Variants in GRID2 observed in about 807,000 individuals in gnomAD.
GRID2 encodes the protein glutamate receptor ionotropic, delta-2.
A neutral mutation model predicts 114.8 loss-of-function variants in GRID2; 33 were observed. The observed-to-expected ratio is 0.29, with a 90% CI of 0.22 to 0.38. The LOEUF is 0.38. Among genes scored for constraint, GRID2 ranks in the 10% least tolerant of loss-of-function variants. The pLI, the probability that GRID2 is intolerant of heterozygous loss-of-function variation, is 1.00. For synonymous variants in GRID2, 505 were observed against 449.9 expected, an observed-to-expected ratio of 1.12 and a Z score of -1.55; for missense variants, 1,184 against 1,257.7, an observed-to-expected ratio of 0.94 and a Z score of 0.89.
chr4:92,632,322 G>T (rs1053572203), intron 2 of GRID2, among the ~76,000 whole-genome samples: 4 of 151,920 alleles, frequency 2.6e-5, no homozygotes, highest in African/African-American at 9.7e-5. Context: ...TCCTTTATAT[G>T]GTTTTTATGC....
At chr4:93,458,128 A>G (rs1164121367) in intron 11 of GRID2, among the ~76,000 whole-genome samples, 6 of 152,196 alleles carry the variant, frequency 3.9e-5, no homozygotes, top group African/African-American at 1.2e-4. Context: ...ATAGAGGAGC[A>G]CTCAGTGGTG....
chr4:93,437,346 C>T (rs943337769), intron 10 of GRID2, among the ~76,000 whole-genome samples: 1 of 152,090 alleles, frequency 6.6e-6, no homozygotes, highest in Middle Eastern at 3.2e-3. Context: ...AAGTTTGGCT[C>T]CAGCATCCAA....
intron 2 of GRID2, among the ~76,000 whole-genome samples, chr4:92,616,542 T>C (rs1730012204): frequency 6.6e-6 from 1 of 151,564 alleles, no homozygotes; most frequent in Non-Finnish European, 1.5e-5. Context: ...TTGGGGAAAT[T>C]TTTACCCATA....
At chr4:93,092,026 T>C (rs1458891304) in intron 3 of GRID2, among the ~76,000 whole-genome samples, 1 of 152,178 alleles carries the variant, frequency 6.6e-6, no homozygotes, top group Non-Finnish European at 1.5e-5. Flanking sequence ...ATTTCTTTCT[T>C]GGAACATATT....
At chr4:93,705,754 G>A (rs1727943517) in intron 14 of GRID2, among the ~76,000 whole-genome samples, 1 of 152,028 alleles carries the variant, frequency 6.6e-6, no homozygotes, top group Non-Finnish European at 1.5e-5. Flanking sequence ...TAAAATCTTT[G>A]TGCAGACCAA....
intron 2 of GRID2, among the ~76,000 whole-genome samples, chr4:92,907,419 A>AT (rs1207863141): frequency 2.0e-5 from 3 of 151,310 alleles, no homozygotes; most frequent in African/African-American, 7.3e-5. Context: ...CCAGTTTTAA[A>AT]TTTTTTTTTG....
chr4:93,807,472 C>T (rs1164866343), exon 2 of GRID2: 8 of 152,188 alleles, frequency 5.3e-5, no homozygotes, highest in Admixed American at 5.2e-4. Context: ...CTTTCCTCCA[C>T]ACCAAGGGAC....
intron 2 of GRID2, among the ~76,000 whole-genome samples, chr4:92,858,289 T>A (rs1744304893): frequency 6.6e-6 from 1 of 152,182 alleles, no homozygotes; most frequent in Non-Finnish European, 1.5e-5. Flanking sequence ...TCTGATGGAC[T>A]GGGACAAAAT....
At chr4:93,214,475 T>C (rs1349051533) in intron 5 of GRID2, among the ~76,000 whole-genome samples, 1 of 152,104 alleles carries the variant, frequency 6.6e-6, no homozygotes, top group African/African-American at 2.4e-5. Flanking sequence ...AATCAAGTTT[T>C]CATATCACTG....
intron 4 of GRID2, among the ~76,000 whole-genome samples, chr4:93,198,541 A>G (rs1285793177): frequency 1.3e-5 from 2 of 152,140 alleles, no homozygotes; most frequent in African/African-American, 4.8e-5. Flanking sequence ...TAAAATACGT[A>G]CAACATGGCC....
chr4:93,426,262 C>T (rs936009108), intron 10 of GRID2, among the ~76,000 whole-genome samples: 1 of 152,260 alleles, frequency 6.6e-6, no homozygotes. Flanking sequence ...CGTCAGTCCT[C>T]TTCCTTCTTA....
At chr4:92,710,164 A>G (rs1230368081) in intron 2 of GRID2, among the ~76,000 whole-genome samples, 2 of 152,140 alleles carry the variant, frequency 1.3e-5, no homozygotes, top group Non-Finnish European at 2.9e-5. Context: ...TGCCATACCA[A>G]TTATCAAGTG....
intron 2 of GRID2, among the ~76,000 whole-genome samples, chr4:92,890,862 C>T (rs981760206): frequency 3.9e-5 from 6 of 152,080 alleles, no homozygotes; most frequent in African/African-American, 1.4e-4. Context: ...TGGAACCAAC[C>T]AAAATGCCCA....
Position 93,315,061 on chromosome 4 carries a change from T to C in GRID2, c.1245+76571T>C, listed in dbSNP as rs140968512. On this transcript the variant is annotated intron_variant, in intron 8 of 15. Transcript: ENST00000282020. ...GGAGGCCTCAGGAAACTTACAATGA[T>C]GGCAGAAGGGGAAGCAGGAGTGTCT... Among the ~76,000 whole-genome samples, 989 of 152,214 alleles carry C rather than the reference T, an allele frequency of 6.5e-3. 12 individuals are homozygous for C. The highest frequency in any genetic ancestry group is 0.022 in the African/African-American group (901 of 41,540).
At chr4:92,674,762 C>A (rs1485434382) in intron 2 of GRID2, among the ~76,000 whole-genome samples, 1 of 152,124 alleles carries the variant, frequency 6.6e-6, no homozygotes, top group Non-Finnish European at 1.5e-5. Flanking sequence ...ACCTCGTGAT[C>A]CACCCGCTTC....
chr4:93,479,020 G>A (rs984599584), intron 11 of GRID2, among the ~76,000 whole-genome samples: 7 of 151,996 alleles, frequency 4.6e-5, no homozygotes, highest in South Asian at 2.1e-4. Context: ...ACATAGAGGC[G>A]TGCATTGAGG....
chr4:92,738,602 T>C (rs1736717579), intron 2 of GRID2, among the ~76,000 whole-genome samples: 1 of 152,080 alleles, frequency 6.6e-6, no homozygotes, highest in African/African-American at 2.4e-5. Context: ...TGAACAGACT[T>C]TTTGCTTATA....
intron 8 of GRID2, among the ~76,000 whole-genome samples, chr4:93,369,632 G>C (rs1192489988): frequency 6.6e-6 from 1 of 152,050 alleles, no homozygotes; most frequent in Admixed American, 6.6e-5. Flanking sequence ...TAGAGGACAG[G>C]TGCATGCCAC....
At chr4:93,776,824 G>C (rs1734379306), downstream of GRID2, among the ~76,000 whole-genome samples, 1 of 152,134 alleles carries the variant, frequency 6.6e-6, no homozygotes, top group African/African-American at 2.4e-5. Flanking sequence ...CATCCTTATT[G>C]ATACTTGCAT....
Sources: allele counts gnomAD v4.1 joint callset (sites outside exome capture counted in the v4.1 genomes callset), GRCh38; gene constraint gnomAD v4.1.1; transcripts MANE v1.5; gene names NCBI Gene and HGNC (gene_info 2026-07-23, HGNC 2026-07-21).